Variants in SHANK1 observed in about 807,000 individuals in gnomAD.
SHANK1 encodes SH3 and multiple ankyrin repeat domains protein 1.
A neutral mutation model predicts 165.6 loss-of-function variants in SHANK1; 35 were observed. That is an observed-to-expected ratio of 0.21 (90% CI 0.16 to 0.28). The LOEUF (loss-of-function observed/expected upper bound fraction) is 0.28. Among genes scored for constraint, SHANK1 ranks in the 10% least tolerant of loss-of-function variants. The probability of loss-of-function intolerance (pLI) is 1.00; values close to 1 mark genes in which losing one functional copy is unlikely to be tolerated. For missense variants in SHANK1, 2,681 were observed against 3,036.4 expected, an observed-to-expected ratio of 0.88 and a Z score of 2.75; for synonymous variants, 1,428 against 1,384.8, an observed-to-expected ratio of 1.03 and a Z score of -0.69.
At chr19:50,706,997 C>T (rs563033513) in intron 8 of SHANK1, among the ~76,000 whole-genome samples, 74 of 152,210 alleles carry the variant, frequency 4.9e-4, no homozygotes, top group African/African-American at 1.6e-3. Flanking sequence ...AGGCTGGTCT[C>T]GAACTCCCAA....
In SHANK1 at chr19:50,716,869, G is replaced by A; in HGVS notation, c.51C>T (p.Ser17=). 1 of 1,505,202 alleles carries A rather than the reference G, an allele frequency of 6.6e-7. No individual in the cohort carries two copies. 93.2% of individuals were successfully genotyped at this position (1,505,202 alleles called of 1,614,324 possible). A position where few individuals can be genotyped will look rare whatever the true frequency, so the allele number is the denominator to read the frequency against. ...TSEDEERHSA[S]ECPEGGSESD... is the part of the protein sequence containing the mutation. ...ACTCTGAGCCCCCCTCGGGACACTC[G>A]CTGGCACTGTGGCGTTCCTCGTCCT... Residue 17 remains serine, a synonymous_variant, in exon 2 of 24, where the codon AGC becomes AGT. Transcript: ENST00000293441. The surrounding 1 kb of genome is among the most constrained non-coding windows in gnomAD (Gnocchi z 8.4).
At position 50,707,891 on chromosome 19, in the gene SHANK1, C is replaced by CTTTTCTTTTCTT. The variant is rs1006865895; in HGVS notation, c.1078-3389_1078-3378dup. The stretch of plus-strand genomic sequence containing the variant: ...CTTTTGCGTGTTTTTCTTTTCTTTT[C>CTTTTCTTTTCTT]TTTTCTTTTCTTTTCTTTTCTTTTC... On this transcript the variant is annotated intron_variant, in intron 8 of 23. Coordinates refer to ENST00000293441, the MANE Select transcript of SHANK1 (RefSeq NM_016148.5). Among the ~76,000 whole-genome samples the CTTTTCTTTTCTT allele has an allele frequency of 2.1e-3, 12 of 5,686 alleles. No individual in the cohort carries two copies. The South Asian group carries it at 0.024, about 11-fold the overall frequency. 3.7% of individuals were successfully genotyped at this position (5,686 alleles called of 152,430 possible). A position where few individuals can be genotyped will look rare whatever the true frequency, so the allele number is the denominator to read the frequency against.
rs1462832097 is a variant in SHANK1, at chr19:50,697,356, C to T, written c.1937+233G>A. 6.6e-6 allele frequency among the ~76,000 whole-genome samples: 1 copy of T among 152,176 alleles called. No homozygotes were observed. Among genetic ancestry groups the T allele is most frequent in the African/African-American group, 2.4e-5 (1 of 41,450 alleles). ...CCCAGGCATCCCCACCCTGCCCTGA[C>T]CACCCCGTTGTCTCTGGCTACCCCA... On this transcript the variant is annotated intron_variant, in intron 14 of 23. Transcript: ENST00000293441. The surrounding 1 kb of genome is among the most constrained non-coding windows in gnomAD (Gnocchi z 4.7).
At position 50,667,449 on chromosome 19, in the gene SHANK1, A is replaced by G. The variant is rs3745521; in HGVS notation, c.4511T>C (p.Val1504Ala). Residue 1504 changes from valine (V) to alanine (A), a missense_variant, in exon 23 of 24, where the codon GTG becomes GCG. Val to Ala is a moderately conservative substitution (Grantham distance 64, BLOSUM62 0). Transcript: ENST00000293441. The surrounding 1 kb of genome is among the most constrained non-coding windows in gnomAD (Gnocchi z 5.7). The stretch of plus-strand genomic sequence containing the variant: ...CGAGGGGGGACCCCTTCCGCTCGTC[A>G]CAGGGGCCCGGGGCTGGCAGTTTTC... ...FLENCQPRAP[V>A]TSGRGPPSED... 0.75 allele frequency: 1,141,123 copies of G among 1,524,418 alleles called. 432,462 individuals are homozygous for G. The highest frequency in any genetic ancestry group is 0.91 in the African/African-American group (65,979 of 72,578). 94.4% of individuals were successfully genotyped at this position (1,524,418 alleles called of 1,614,324 possible).
At position 50,662,185 on chromosome 19, in the gene SHANK1, G is replaced by A. The variant is rs1260348115; in HGVS notation, c.6266C>T (p.Pro2089Leu). Reference protein sequence around the residue: ...TRLLSLPPDKPFGAKPLGFWT... With the variant: ...TRLLSLPPDKLFGAKPLGFWT... ...GAACCCCAGAGGTTTAGCGCCAAAC[G>A]GCTTGTCCGGGGGCAGCGAGAGCAG... is the stretch of plus-strand genomic sequence containing the variant. Residue 2089 changes from proline to leucine, a missense_variant, in exon 24 of 24, where the codon CCG becomes CTG. Coordinates refer to ENST00000293441, the MANE Select transcript of SHANK1 (RefSeq NM_016148.5). The surrounding 1 kb of genome is among the most constrained non-coding windows in gnomAD (Gnocchi z 7.7). The A allele has an allele frequency of 3.1e-6, 5 of 1,609,986 alleles. No homozygotes were observed. The highest frequency in any genetic ancestry group is 2.7e-5 in the African/African-American group (2 of 74,868).
intron 15 of SHANK1, among the ~76,000 whole-genome samples, chr19:50,695,523 TA>T (rs1986711508): frequency 6.7e-6 from 1 of 149,966 alleles, no homozygotes; most frequent in African/African-American, 2.5e-5. Context: ...GGCCCCCCCT[TA>T]ATCCCCCTCC....
intron 21 of SHANK1, among the ~76,000 whole-genome samples, chr19:50,682,087 C>T (rs566821494): frequency 6.7e-6 from 1 of 149,696 alleles, no homozygotes; most frequent in Non-Finnish European, 1.5e-5. Flanking sequence ...GACGGAGTCT[C>T]GCTCTACTGC....
chr19:50,667,140 G>T lies in SHANK1; in HGVS notation c.4820C>A (p.Pro1607His). The T allele has an allele frequency of 6.4e-7, 1 of 1,555,652 alleles. No homozygotes were observed. The highest frequency in any genetic ancestry group is 2.3e-5 in the East Asian group (1 of 43,420). ...APATPLPPVP[P>H]PAVAAAPPTL... ...GGGAGGGGCTGCGGCCACAGCCGGG[G>T]GTGGCACAGGGGGTAACGGGGTGGC... Residue 1607 changes from proline to histidine, a missense_variant, in exon 23 of 24, where the codon CCC becomes CAC. By Grantham distance (77) the Pro-to-His change is moderately conservative. This residue lies in a region of SHANK1 where 1,713 missense variants were observed against 1,630.2 expected (regional missense o/e 1.05). Coordinates refer to ENST00000293441, the MANE Select transcript of SHANK1 (RefSeq NM_016148.5). The surrounding 1 kb of genome is among the most constrained non-coding windows in gnomAD (Gnocchi z 5.7).
intron 15 of SHANK1, among the ~76,000 whole-genome samples, chr19:50,692,858 T>G: frequency 1.1e-5 from 1 of 88,542 alleles, no homozygotes; most frequent in South Asian, 4.2e-4. Flanking sequence ...TATGGAGCCA[T>G]CCCCCCATTT....
At position 50,667,429 on chromosome 19, in the gene SHANK1, G is replaced by A; in HGVS notation, c.4531C>T (p.Pro1511Ser). The A allele has an allele frequency of 6.6e-7, 1 of 1,524,862 alleles. No homozygotes were observed. Among genetic ancestry groups the A allele is most frequent in the Non-Finnish European group, 8.7e-7 (1 of 1,143,860 alleles). 94.5% of individuals were successfully genotyped at this position (1,524,862 alleles called of 1,614,324 possible). Residue 1511 changes from proline (P) to serine (S), a missense_variant, in exon 23 of 24, where the codon CCC becomes TCC. Pro to Ser is a moderately conservative substitution (Grantham distance 74). Transcript: ENST00000293441. This position sits in a 1 kb window ranked among gnomAD's most constrained non-coding sequence, Gnocchi z 5.7. The stretch of plus-strand genomic sequence containing the variant: ...GGGACCCCCGGCCCGTCCTCCGAGG[G>A]GGGACCCCTTCCGCTCGTCACAGGG... ...RAPVTSGRGPPSEDGPGVPPP... is the reference protein window; with the variant it reads ...RAPVTSGRGPSSEDGPGVPPP...
In SHANK1 at chr19:50,666,296, G is replaced by T; in HGVS notation, c.5664C>A (p.Gly1888=). 1 of 1,612,200 alleles carries T rather than the reference G, an allele frequency of 6.2e-7. No individual in the cohort carries two copies. The highest frequency in any genetic ancestry group is 8.5e-7 in the Non-Finnish European group (1 of 1,179,418). Reference sequence around the variant, plus strand: ...CTCCTCGGGCCCAGGGCAGAGCGCCGCCAGCTGCCGAGGAGCCCCCAAACT... The same window carrying T: ...CTCCTCGGGCCCAGGGCAGAGCGCCTCCAGCTGCCGAGGAGCCCCCAAACT... ...LQQFGGSSAA[G]GALPWARGGS... is the part of the protein sequence containing the mutation. The change falls in exon 23 of 24, where the codon GGC becomes GGA. Residue 1888 remains glycine, a synonymous_variant. Coordinates refer to ENST00000293441, the MANE Select transcript of SHANK1 (RefSeq NM_016148.5).
At chr19:50,710,823 C>T (rs945682842) in intron 8 of SHANK1, among the ~76,000 whole-genome samples, 1 of 152,256 alleles carries the variant, frequency 6.6e-6, no homozygotes, top group African/African-American at 2.4e-5. Context: ...CACCTGCACA[C>T]ACCACTGGCT....
Position 50,667,275 on chromosome 19 carries a change from A to G in SHANK1, c.4685T>C (p.Leu1562Pro). 4.4e-6 allele frequency: 7 copies of G among 1,596,948 alleles called. No homozygotes were observed. Among genetic ancestry groups the G allele is most frequent in the Non-Finnish European group, 5.9e-6 (7 of 1,178,868 alleles). ...AGGCGGAGGCAGCGGTTCCACGAAA[A>G]GGAATTCGCCATCTTCCACATCCAC... ...PSVDVEDGEF[L>P]FVEPLPPPLE... is the part of the protein sequence containing the mutation. Residue 1562 changes from leucine (L) to proline (P), a missense_variant, in exon 23 of 24, where the codon CTT becomes CCT. By Grantham distance (98) the Leu-to-Pro change is moderately conservative. Around this residue, in one of 10 missense-constraint regions of SHANK1, gnomAD observed 1,713 missense variants for 1,630.2 expected, o/e 1.05. Transcript: ENST00000293441. The surrounding 1 kb of genome is among the most constrained non-coding windows in gnomAD (Gnocchi z 5.7).
Position 50,667,355 on chromosome 19 carries a change from CCTCGGGGAG to C in SHANK1, c.4596_4604del (p.Ser1533_Arg1535del). On this transcript the variant is annotated inframe_deletion, in exon 23 of 24. Transcript: ENST00000293441. The surrounding 1 kb of genome is among the most constrained non-coding windows in gnomAD (Gnocchi z 5.7). ...GGGGCAGCCCGTTCTCTTCGCTGGC[CCTCGGGGAG>C]GTCGGGGAGGGGGGCACGGACCGGC... The C allele has an allele frequency of 6.4e-7, 1 of 1,551,616 alleles. No homozygotes were observed. The highest frequency in any genetic ancestry group is 8.7e-7 in the Non-Finnish European group (1 of 1,154,566).
chr19:50,673,482 G>A (rs1985872385), intron 21 of SHANK1, among the ~76,000 whole-genome samples: 1 of 152,096 alleles, frequency 6.6e-6, no homozygotes, highest in Non-Finnish European at 1.5e-5. Context: ...TATTGTCACA[G>A]TTCCTTTTCA....
rs2089094835 is a variant in SHANK1, at chr19:50,718,527, G to C, written c.-44+879C>G. On this transcript the variant is annotated intron_variant, in intron 1 of 23. Transcript: ENST00000293441. The surrounding 1 kb of genome is among the most constrained non-coding windows in gnomAD (Gnocchi z 5.1). ...CCTCCCCCTCAGGGCTCGCGGGAGG[G>C]AGCGGGCACGCTCCGCCGGGGCGGC... is the stretch of plus-strand genomic sequence containing the variant. 6.6e-6 allele frequency among the ~76,000 whole-genome samples: 1 copy of C among 152,206 alleles called. No individual in the cohort carries two copies. Among genetic ancestry groups the C allele is most frequent in the Admixed American group, 6.5e-5 (1 of 15,290 alleles).
chr19:50,703,283 C>A (rs955178566), intron 11 of SHANK1, among the ~76,000 whole-genome samples: 5 of 152,088 alleles, frequency 3.3e-5, no homozygotes, highest in South Asian at 2.1e-4. Context: ...CTGCCTGGGG[C>A]CCCTGTCCTG....
Position 50,660,818 on chromosome 19 carries a change from AGGGAGT to A in SHANK1, c.*1141_*1146del. Among the ~76,000 whole-genome samples, 1 of 149,622 alleles carries A rather than the reference AGGGAGT, an allele frequency of 6.7e-6. No individual in the cohort carries two copies. The highest frequency in any genetic ancestry group is 2.0e-4 in the East Asian group (1 of 5,068). On this transcript the variant is annotated 3_prime_UTR_variant, in exon 24 of 24. Coordinates refer to ENST00000293441, the MANE Select transcript of SHANK1 (RefSeq NM_016148.5). ...CAAAGATTTCAAACAGAAAGGGGCA[AGGGAGT>A]GGGAGCCTGGCAAAGAAGAAGAGAA...
intron 21 of SHANK1, among the ~76,000 whole-genome samples, chr19:50,677,664 T>C (rs73598610): frequency 0.018 from 2,751 of 152,208 alleles, 80 homozygotes; most frequent in East Asian, 0.12. Context: ...GAAGAACTCA[T>C]TGGAAGCAAT....
Sources: gnomAD v4.1 joint callset for allele counts (sites outside exome capture counted in the v4.1 genomes callset) on GRCh38, gnomAD v4.1.1 for gene constraint, gnomAD v4.1.1 regional missense constraint, Gnocchi (gnomAD v3.1) non-coding constraint, MANE v1.5 for transcripts, NCBI Gene and HGNC (gene_info 2026-07-23, HGNC 2026-07-21) for gene names.